The following RNF111 variants were observed in gnomAD, a reference collection of about 807,000 sequenced individuals.
RNF111 encodes ring finger protein 111.
A neutral mutation model predicts 95.1 loss-of-function variants in RNF111; 17 were observed. The observed-to-expected ratio is 0.18, with a 90% confidence interval of 0.12 to 0.27. The LOEUF is 0.27. Among genes scored for constraint, RNF111 ranks in the 10% least tolerant of loss-of-function variants. RNF111 has a pLI of 1.00. For missense variants in RNF111, 1,189 were observed against 1,210.4 expected (o/e 0.98, Z 0.26); for synonymous variants, 440 against 414.8 (o/e 1.06, Z -0.74).
intron 2 of RNF111, among the ~76,000 whole-genome samples, chr15:59,051,326 CAGGTGCCTGTAGTTCTAGCTACTCGGG>C (rs1421243030): frequency 4.6e-5 from 7 of 152,012 alleles, no homozygotes; most frequent in African/African-American, 1.4e-4. Flanking sequence ...GGCCTGGTGG[CAGGTGCCTGTAGTTCTAGCTACTCGGG>C]AGGCTGAGGC....
chr15:59,087,268 ACTGTATTTAAATGATAATACTAT>A (rs1275069426), intron 10 of RNF111, among the ~76,000 whole-genome samples: 1 of 152,200 alleles, frequency 6.6e-6, no homozygotes, highest in Non-Finnish European at 1.5e-5. Context: ...GAATGACAAT[ACTGTATTTAAATGATAATACTAT>A]GCTTTGAACA....
At chr15:59,025,177 G>A (rs971355553) in intron 1 of RNF111, among the ~76,000 whole-genome samples, 1 of 152,256 alleles carries the variant, frequency 6.6e-6, no homozygotes, top group East Asian at 1.9e-4. Flanking sequence ...GAGCCACTGC[G>A]CCCAGGCAGA....
intron 7 of RNF111, among the ~76,000 whole-genome samples, chr15:59,077,870 T>C (rs1449024077): frequency 6.6e-6 from 1 of 152,226 alleles, no homozygotes; most frequent in African/African-American, 2.4e-5. Context: ...TTAGAGACAT[T>C]TTGATAACTC....
chr15:59,092,681 G>C, intron 13 of RNF111, 41 bp downstream of exon 13: 1 of 1,542,050 alleles, frequency 6.5e-7, no homozygotes, highest in Non-Finnish European at 8.8e-7. Context: ...TGTCAAAACT[G>C]TACATGGGAT....
At chr15:59,089,570 A>T (rs2289895) in intron 10 of RNF111, 97 bp from the exon 11 acceptor site, 229,203 of 898,968 alleles carry the variant, frequency 0.25, 31,131 homozygotes, top group Admixed American at 0.42. Flanking sequence ...TGAGCAGTTG[A>T]ATTGAAAACA....
intron 1 of RNF111, among the ~76,000 whole-genome samples, chr15:59,022,764 A>G (rs2040407118): frequency 6.6e-6 from 1 of 152,242 alleles, no homozygotes; most frequent in Non-Finnish European, 1.5e-5. Context: ...GAAACTTCTC[A>G]TTATTAATAT....
chr15:58,997,220 G>T (rs1413604998), intron 1 of RNF111, among the ~76,000 whole-genome samples: 1 of 152,124 alleles, frequency 6.6e-6, no homozygotes, highest in African/African-American at 2.4e-5. Context: ...CTCTGAAGAT[G>T]TATCTCTTTC....
intron 1 of RNF111, among the ~76,000 whole-genome samples, chr15:59,002,075 G>C (rs1417130404): frequency 6.6e-6 from 1 of 152,140 alleles, no homozygotes; most frequent in Non-Finnish European, 1.5e-5. Flanking sequence ...ATTCATAAGC[G>C]GTTAAAGCTT....
intron 6 of RNF111, among the ~76,000 whole-genome samples, chr15:59,072,880 T>TAAA (rs35410395): frequency 7.1e-5 from 10 of 141,090 alleles, no homozygotes; most frequent in South Asian, 2.3e-4. Context: ...ATTTTTTTAT[T>TAAA]AAAAAAAAAA....
At chr15:59,012,636 T>TA (rs2039879779) in intron 1 of RNF111, among the ~76,000 whole-genome samples, 1 of 152,212 alleles carries the variant, frequency 6.6e-6, no homozygotes, top group Admixed American at 6.5e-5. Flanking sequence ...TTTTTTGACT[T>TA]ACACATAATT....
In RNF111 at chr15:58,987,820, C is replaced by G. The variant is rs1414331850; in HGVS notation, c.-268C>G. 2 of 155,526 alleles carry G rather than the reference C, an allele frequency of 1.3e-5. No individual in the cohort carries two copies. Among genetic ancestry groups the G allele is most frequent in the Admixed American group, 1.3e-4 (2 of 15,282 alleles). 9.6% of individuals were successfully genotyped at this position (155,526 alleles called of 1,614,324 possible). A position where few individuals can be genotyped will look rare whatever the true frequency, so the allele number is the denominator to read the frequency against. ...CGCCCGCAGCTTCAGAGAAGGAGTT[C>G]TTGTGGGACCAAATTAGGCATTCTG... is the stretch of plus-strand genomic sequence containing the variant. On this transcript the variant is annotated 5_prime_UTR_variant, in exon 1 of 14. Transcript: ENST00000348370.
chr15:58,996,192 A>G (rs1304652948), intron 1 of RNF111, among the ~76,000 whole-genome samples: 1 of 152,146 alleles, frequency 6.6e-6, no homozygotes, highest in Non-Finnish European at 1.5e-5. Flanking sequence ...AAAAACCTGA[A>G]GTTTATACTT....
chr15:58,995,999 T>C (rs1424883936), intron 1 of RNF111, among the ~76,000 whole-genome samples: 2 of 152,050 alleles, frequency 1.3e-5, no homozygotes, highest in African/African-American at 4.8e-5. Context: ...AGATTTTTGA[T>C]AGTAGGTTTA....
At chr15:59,089,334 T>G (rs2078985590) in intron 10 of RNF111, among the ~76,000 whole-genome samples, 1 of 152,178 alleles carries the variant, frequency 6.6e-6, no homozygotes, top group African/African-American at 2.4e-5. Flanking sequence ...TATCTTGAAG[T>G]CGAATTTTGT....
chr15:59,075,829 T>A (rs2043141548), intron 6 of RNF111, 125 bp from the exon 7 acceptor site: 13 of 1,028,718 alleles, frequency 1.3e-5, no homozygotes, highest in Non-Finnish European at 1.8e-5. Flanking sequence ...ATACTAAGAA[T>A]CTTCCTGGTT....
intron 6 of RNF111, among the ~76,000 whole-genome samples, chr15:59,074,315 C>T (rs1216040845): frequency 6.6e-6 from 1 of 152,226 alleles, no homozygotes; most frequent in African/African-American, 2.4e-5. Flanking sequence ...CTTCTCTTTG[C>T]TATGAAAGTC....
chr15:59,018,465 A>C (rs995259438), intron 1 of RNF111, among the ~76,000 whole-genome samples: 7 of 152,190 alleles, frequency 4.6e-5, no homozygotes, highest in African/African-American at 1.7e-4. Context: ...GTTCTAATAT[A>C]GTGAAAAATT....
chr15:59,005,708 G>A (rs989241465), intron 1 of RNF111, among the ~76,000 whole-genome samples: 2 of 152,094 alleles, frequency 1.3e-5, no homozygotes, highest in African/African-American at 2.4e-5. Context: ...TGTGGTGATC[G>A]TGGGTAGGGG....
At chr15:59,048,324 C>T (rs867573422) in intron 2 of RNF111, among the ~76,000 whole-genome samples, 4 of 152,120 alleles carry the variant, frequency 2.6e-5, no homozygotes, top group Admixed American at 6.6e-5. Context: ...AACATAAATA[C>T]GCTGAGTGAA....
Sources: gnomAD v4.1 joint callset for allele counts (sites outside exome capture counted in the v4.1 genomes callset) on GRCh38, gnomAD v4.1.1 for gene constraint, MANE v1.5 for transcripts, NCBI Gene and HGNC (gene_info 2026-07-23, HGNC 2026-07-21) for gene names.